Variants in GALNTL6 observed in about 807,000 individuals in gnomAD.
GALNTL6 encodes the protein polypeptide N-acetylgalactosaminyltransferase-like 6.
GALNTL6 carries 46 observed loss-of-function variants against 73.7 expected under a neutral mutation model. The observed-to-expected ratio is 0.62, with a 90% CI of 0.49 to 0.80. The LOEUF (loss-of-function observed/expected upper bound fraction) is 0.80. Ranked by LOEUF, GALNTL6 falls within the 30% of genes least tolerant of loss-of-function variation. GALNTL6 has a pLI of 0.00. For synonymous variants in GALNTL6, 259 were observed against 263.7 expected, an observed-to-expected ratio of 0.98 and a Z score of 0.17; for missense variants, 604 against 755.0, an observed-to-expected ratio of 0.80 and a Z score of 2.34.
chr4:172,159,415 G>C (rs557765147), intron 2 of GALNTL6, among the ~76,000 whole-genome samples: 1 of 152,152 alleles, frequency 6.6e-6, no homozygotes, highest in Non-Finnish European at 1.5e-5. Flanking sequence ...TGTATTAGAT[G>C]TTTTGAAAGA....
chr4:172,503,541 T>TATATATATATATATATAC (rs1451369884), intron 5 of GALNTL6, among the ~76,000 whole-genome samples: 1 of 98,338 alleles, frequency 1.0e-5, no homozygotes, highest in African/African-American at 2.9e-5. Context: ...TATATATATA[T>TATATATATATATATATAC]ATATATATGT....
At chr4:172,737,848 T>G (rs190616998) in intron 5 of GALNTL6, among the ~76,000 whole-genome samples, 29 of 152,292 alleles carry the variant, frequency 1.9e-4, no homozygotes, top group African/African-American at 7.0e-4. Flanking sequence ...TCATCTCAGC[T>G]CTAGTAAACT....
chr4:173,030,152 T>TCA (rs1753398059), intron 12 of GALNTL6, among the ~76,000 whole-genome samples: 1 of 152,088 alleles, frequency 6.6e-6, no homozygotes, highest in Non-Finnish European at 1.5e-5. Flanking sequence ...AGGACTTATG[T>TCA]TATCCTAAGA....
intron 5 of GALNTL6, among the ~76,000 whole-genome samples, chr4:172,416,819 T>G (rs1199862546): frequency 6.6e-6 from 1 of 152,172 alleles, no homozygotes; most frequent in Non-Finnish European, 1.5e-5. Context: ...AAACATTTAA[T>G]TTAAAAATGA....
intron 5 of GALNTL6, among the ~76,000 whole-genome samples, chr4:172,793,291 G>A (rs758119270): frequency 1.3e-5 from 2 of 152,006 alleles, no homozygotes; most frequent in African/African-American, 4.8e-5. Context: ...TCAAAAATAG[G>A]GATTTGATCT....
chr4:172,605,203 G>A (rs974622907), intron 5 of GALNTL6, among the ~76,000 whole-genome samples: 1 of 152,160 alleles, frequency 6.6e-6, no homozygotes, highest in Admixed American at 6.5e-5. Context: ...TATGCCTGGT[G>A]AACTTAAACA....
At chr4:172,416,974 G>A (rs956214110) in intron 5 of GALNTL6, among the ~76,000 whole-genome samples, 1 of 152,048 alleles carries the variant, frequency 6.6e-6, no homozygotes, top group African/African-American at 2.4e-5. Context: ...TGGTTTATAA[G>A]CTTATAATTG....
chr4:172,284,419 C>T (rs975352820), intron 3 of GALNTL6, among the ~76,000 whole-genome samples: 7 of 151,696 alleles, frequency 4.6e-5, no homozygotes, highest in African/African-American at 1.7e-4. Context: ...CATGTGCACC[C>T]CACCACACCA....
At chr4:172,734,033 A>G (rs1373128137) in intron 5 of GALNTL6, among the ~76,000 whole-genome samples, 5 of 152,202 alleles carry the variant, frequency 3.3e-5, no homozygotes, top group Non-Finnish European at 7.3e-5. Context: ...GATATGGACA[A>G]TAAAGTCCAG....
chr4:172,467,418 C>T (rs150452952), intron 5 of GALNTL6, among the ~76,000 whole-genome samples: 269 of 152,302 alleles, frequency 1.8e-3, no homozygotes, highest in African/African-American at 6.1e-3. Flanking sequence ...AACTGCGAGT[C>T]TCCTGAGAGA....
intron 5 of GALNTL6, among the ~76,000 whole-genome samples, chr4:172,739,155 T>C (rs1359152461): frequency 6.6e-6 from 1 of 152,196 alleles, no homozygotes; most frequent in East Asian, 1.9e-4. Context: ...AAGGAGGAAG[T>C]CCATTTAGAT....
intron 5 of GALNTL6, chr4:172,668,603 G>C (rs895605110): frequency 1.3e-5 from 2 of 152,098 alleles, no homozygotes; most frequent in Admixed American, 6.6e-5. Context: ...TTTCTCTCCT[G>C]CTTGGCTTAT....
intron 8 of GALNTL6, among the ~76,000 whole-genome samples, chr4:172,923,762 T>C (rs765127917): frequency 1.6e-4 from 24 of 152,280 alleles, no homozygotes; most frequent in Non-Finnish European, 3.1e-4. Context: ...CTCACTATCA[T>C]GGTGGAAGGC....
intron 8 of GALNTL6, among the ~76,000 whole-genome samples, chr4:172,922,470 T>A (rs1005865628): frequency 1.3e-5 from 2 of 152,146 alleles, no homozygotes; most frequent in Non-Finnish European, 2.9e-5. Flanking sequence ...TCTATCAGAA[T>A]GTGAATGCTT....
chr4:172,024,775 AAC>A (rs1358622054), intron 2 of GALNTL6, among the ~76,000 whole-genome samples: 6 of 151,836 alleles, frequency 4.0e-5, no homozygotes, highest in Non-Finnish European at 8.8e-5. Flanking sequence ...TGTGATGAAA[AAC>A]ACAGAAGTGC....
At chr4:173,026,108 T>C (rs1753219756) in intron 12 of GALNTL6, among the ~76,000 whole-genome samples, 1 of 152,254 alleles carries the variant, frequency 6.6e-6, no homozygotes, top group Admixed American at 6.5e-5. Flanking sequence ...TTATAGCATA[T>C]GTCTTAATTT....
intron 2 of GALNTL6, among the ~76,000 whole-genome samples, chr4:171,915,072 C>T (rs528353587): frequency 5.1e-4 from 77 of 151,754 alleles, no homozygotes; most frequent in African/African-American, 1.5e-3. Context: ...TTTTAAAGTT[C>T]GAAAAAATTA....
chr4:172,659,211 A>T (rs1399375925), intron 5 of GALNTL6, among the ~76,000 whole-genome samples: 2 of 151,940 alleles, frequency 1.3e-5, no homozygotes, highest in Non-Finnish European at 2.9e-5. Context: ...TTCAATAATC[A>T]TAAAAGCTTT....
rs953184096 is a variant in GALNTL6 at position 172,705,914 on chromosome 4, C to T, written c.554-103447C>T. Among the ~76,000 whole-genome samples, 7 of 152,040 alleles carry T rather than the reference C, an allele frequency of 4.6e-5. No individual in the cohort carries two copies. The South Asian group carries it at 8.3e-4, about 18-fold the overall frequency. On this transcript the variant is annotated intron_variant, in intron 5 of 12. Coordinates refer to ENST00000506823, the MANE Select transcript of GALNTL6 (RefSeq NM_001034845.3). ...TTAGGATCCTCTATTTGTCCTTGAACTTTGAGAGTTTGGTTATTATATGCC... is the reference window on the plus strand; with the variant it reads ...TTAGGATCCTCTATTTGTCCTTGAATTTTGAGAGTTTGGTTATTATATGCC...
Sources: allele counts gnomAD v4.1 joint callset (sites outside exome capture counted in the v4.1 genomes callset), GRCh38; gene constraint gnomAD v4.1.1; transcripts MANE v1.5; gene names NCBI Gene and HGNC (gene_info 2026-07-23, HGNC 2026-07-21).